ITGA9: variants seen among roughly 807,000 people sequenced by gnomAD.
ITGA9 encodes the protein integrin alpha-9.
ITGA9 carries 56 observed loss-of-function variants against 127.8 expected under a neutral mutation model. That is an observed-to-expected ratio of 0.44 (90% CI 0.35 to 0.55). The LOEUF (loss-of-function observed/expected upper bound fraction) is 0.55, where lower values mean the gene tolerates loss of function less well. Ranked by LOEUF, ITGA9 falls within the 20% of genes least tolerant of loss-of-function variation. The probability of loss-of-function intolerance (pLI) is 0.00; values close to 1 mark genes in which losing one functional copy is unlikely to be tolerated. For missense variants in ITGA9, 1,196 were observed against 1,347.1 expected (o/e 0.89, Z 1.76); for synonymous variants, 508 against 514.5 (o/e 0.99, Z 0.17).
intron 17 of ITGA9, among the ~76,000 whole-genome samples, chr3:37,656,000 T>C (rs1208317926): frequency 6.6e-6 from 1 of 152,180 alleles, no homozygotes; most frequent in Non-Finnish European, 1.5e-5. Flanking sequence ...GATCAGATGG[T>C]TGTAGATGTG....
intron 15 of ITGA9, among the ~76,000 whole-genome samples, chr3:37,598,082 T>C (rs1219355680): frequency 4.6e-5 from 7 of 152,260 alleles, no homozygotes; most frequent in African/African-American, 7.2e-5. Context: ...TGTGGCTTAA[T>C]GTCTTTATCT....
chr3:37,772,116 G>A (rs1188336155), intron 23 of ITGA9, among the ~76,000 whole-genome samples: 1 of 152,084 alleles, frequency 6.6e-6, no homozygotes, highest in East Asian at 1.9e-4. Context: ...TGTAAAATGG[G>A]GACAGTAGGC....
intron 27 of ITGA9, among the ~76,000 whole-genome samples, chr3:37,817,869 A>G (rs1196100354): frequency 1.3e-5 from 2 of 152,156 alleles, no homozygotes; most frequent in East Asian, 3.9e-4. Flanking sequence ...GCTAGAGGAA[A>G]TTGCCATCCT....
chr3:37,474,644 T>A (rs1249125647), intron 3 of ITGA9, among the ~76,000 whole-genome samples: 1 of 152,210 alleles, frequency 6.6e-6, no homozygotes, highest in African/African-American at 2.4e-5. Flanking sequence ...AGTGAACAAC[T>A]ATTCTGACAT....
intron 15 of ITGA9, among the ~76,000 whole-genome samples, chr3:37,557,636 A>G (rs1401416986): frequency 6.6e-6 from 1 of 152,224 alleles, no homozygotes; most frequent in Non-Finnish European, 1.5e-5. Context: ...GGGCTATGTA[A>G]ATAAAAAGAA....
intron 11 of ITGA9, among the ~76,000 whole-genome samples, chr3:37,519,702 A>C (rs78489262): frequency 1.3e-5 from 2 of 152,186 alleles, no homozygotes; most frequent in African/African-American, 4.8e-5. Flanking sequence ...AATATGTTTT[A>C]ATATATAATC....
chr3:37,740,349 G>A (rs776970519), intron 20 of ITGA9, among the ~76,000 whole-genome samples: 1 of 152,088 alleles, frequency 6.6e-6, no homozygotes, highest in South Asian at 2.1e-4. Flanking sequence ...TGTGAATGTA[G>A]GTTCAAGAAC....
intron 18 of ITGA9, among the ~76,000 whole-genome samples, chr3:37,689,559 G>A (rs1700811982): frequency 6.6e-6 from 1 of 152,224 alleles, no homozygotes; most frequent in Non-Finnish European, 1.5e-5. Flanking sequence ...GGGGTGCCCT[G>A]TGGGAGCAGT....
intron 17 of ITGA9, among the ~76,000 whole-genome samples, chr3:37,679,312 C>G (rs1700712456): frequency 6.6e-6 from 1 of 152,126 alleles, no homozygotes; most frequent in Non-Finnish European, 1.5e-5. Flanking sequence ...CACAAAAACT[C>G]TATGCTTGAT....
chr3:37,519,323 A>G lies in ITGA9; in HGVS notation c.1205A>G (p.Asp402Gly). The change falls in exon 11 of 28, where the codon GAT becomes GGT. Residue 402 changes from aspartate (D) to glycine (G), a missense_variant. Asp to Gly is a moderately conservative substitution (Grantham distance 94). Transcript: ENST00000264741. ...FAGAVYIYHG[D>G]AGGIVPQYSM... Reference sequence around the variant, plus strand: ...GGGGCGGTCTATATCTATCATGGTGATGCCGGTGGGATAGTCCCTCAGTAC... The same window carrying G: ...GGGGCGGTCTATATCTATCATGGTGGTGCCGGTGGGATAGTCCCTCAGTAC... The G allele has an allele frequency of 6.2e-7, 1 of 1,614,116 alleles. No individual in the cohort carries two copies. Among genetic ancestry groups the G allele is most frequent in the Non-Finnish European group, 8.5e-7 (1 of 1,179,980 alleles).
At chr3:37,803,192 G>A (rs934754183) in intron 26 of ITGA9, among the ~76,000 whole-genome samples, 1 of 152,306 alleles carries the variant, frequency 6.6e-6, no homozygotes, top group East Asian at 1.9e-4. Flanking sequence ...AAGGTACATT[G>A]TCGTTATCTG....
In ITGA9 at chr3:37,517,196, G is replaced by A. The variant is rs575748273; in HGVS notation, c.1036-308G>A. Reference sequence around the variant, plus strand: ...AGAGCACATGGGGGAAAGGTGGGTAGGGAGGTTTGCTTGTGTGTAGTGTAT... The same window carrying A: ...AGAGCACATGGGGGAAAGGTGGGTAAGGAGGTTTGCTTGTGTGTAGTGTAT... On this transcript the variant is annotated intron_variant, in intron 9 of 27. Coordinates refer to ENST00000264741, the MANE Select transcript of ITGA9 (RefSeq NM_002207.3). Among the ~76,000 whole-genome samples, 3 of 152,330 alleles carry A rather than the reference G, an allele frequency of 2.0e-5. No individual in the cohort carries two copies. The East Asian group carries it at 5.8e-4, about 29-fold the overall frequency.
chr3:37,473,515 A>C, intron 3 of ITGA9, 55 bp downstream of exon 3: 1 of 1,324,812 alleles, frequency 7.5e-7, no homozygotes, highest in Non-Finnish European at 1.1e-6. Context: ...AGAATGAATG[A>C]TCTGTTAGGA....
At chr3:37,475,182 G>A (rs959686373) in intron 3 of ITGA9, among the ~76,000 whole-genome samples, 3 of 152,250 alleles carry the variant, frequency 2.0e-5, no homozygotes, top group African/African-American at 7.2e-5. Context: ...CCCCAGAGGG[G>A]CTGAACCCTT....
chr3:37,717,221 A>G (rs1041670645), intron 18 of ITGA9, among the ~76,000 whole-genome samples: 5 of 152,250 alleles, frequency 3.3e-5, no homozygotes, highest in African/African-American at 9.6e-5. Context: ...TGAGCTCACT[A>G]TCTGTTGAAT....
At chr3:37,685,642 T>C (rs1336801677) in intron 18 of ITGA9, among the ~76,000 whole-genome samples, 1 of 152,200 alleles carries the variant, frequency 6.6e-6, no homozygotes, top group Non-Finnish European at 1.5e-5. Flanking sequence ...AAAGATGTAA[T>C]TGGCAACTGG....
chr3:37,571,384 A>G (rs563607696), intron 15 of ITGA9, among the ~76,000 whole-genome samples: 2 of 152,324 alleles, frequency 1.3e-5, no homozygotes, highest in South Asian at 2.1e-4. Flanking sequence ...GGGCCTTCTT[A>G]GGTGGGTATT....
chr3:37,793,509 A>G (rs186705962), intron 26 of ITGA9, among the ~76,000 whole-genome samples: 79 of 152,014 alleles, frequency 5.2e-4, no homozygotes, highest in Non-Finnish European at 5.4e-4. Flanking sequence ...AGAGGTCAAG[A>G]CAGGTTTCAC....
At chr3:37,741,438 T>C (rs899732151) in intron 20 of ITGA9, among the ~76,000 whole-genome samples, 2 of 152,192 alleles carry the variant, frequency 1.3e-5, no homozygotes, top group Non-Finnish European at 1.5e-5. Flanking sequence ...TGGCATGCCT[T>C]TATTGTCTCC....
Sources: gnomAD v4.1 joint callset for allele counts (sites outside exome capture counted in the v4.1 genomes callset) on GRCh38, gnomAD v4.1.1 for gene constraint, MANE v1.5 for transcripts, NCBI Gene and HGNC (gene_info 2026-07-23, HGNC 2026-07-21) for gene names.